RIMS2: variants seen among roughly 807,000 people sequenced by gnomAD.
RIMS2 encodes regulating synaptic membrane exocytosis 2, also known as regulating synaptic membrane exocytosis protein 2.
Under a neutral mutation model 174.4 loss-of-function variants are expected in RIMS2, and 59 were observed. That is an observed-to-expected ratio of 0.34 (90% CI 0.27 to 0.42). The LOEUF (loss-of-function observed/expected upper bound fraction) is 0.42, where lower values mean the gene tolerates loss of function less well. Ranked by LOEUF, RIMS2 falls within the 10% of genes least tolerant of loss-of-function variation. RIMS2 has a pLI of 1.00. For synonymous variants in RIMS2, 606 were observed against 572.5 expected (o/e 1.06, Z -0.84); for missense variants, 1,620 against 1,666.3 (o/e 0.97, Z 0.48).
chr8:103,938,312 A>G (rs1368085172), intron 13 of RIMS2, among the ~76,000 whole-genome samples: 1 of 152,174 alleles, frequency 6.6e-6, no homozygotes, highest in African/African-American at 2.4e-5. Flanking sequence ...GCAGAAGGCA[A>G]GGAGGAGCAA....
rs144951027 is a variant in RIMS2 at position 103,555,691 on chromosome 8, G to T, written c.176+54629G>T. ...TAATGCTGGTAATCCCAACACTTTG[G>T]GAGGCCAAGGTGGGAGGATCACTTG... On this transcript the variant is annotated intron_variant, in intron 1 of 23. Coordinates refer to ENST00000504942, the Ensembl canonical transcript of RIMS2. Among the ~76,000 whole-genome samples, 13 of 151,970 alleles carry T rather than the reference G, an allele frequency of 8.6e-5. No individual in the cohort carries two copies. In the East Asian group the frequency reaches 2.5e-3, roughly 29 times the overall value.
intron 19 of RIMS2, among the ~76,000 whole-genome samples, chr8:104,058,836 C>G (rs1222743741): frequency 6.6e-6 from 1 of 152,156 alleles, no homozygotes; most frequent in Admixed American, 6.5e-5. Flanking sequence ...ATCCTTTCCC[C>G]ATTGCTTGTT....
At chr8:104,077,682 CTCA>C (rs1479363940) in intron 19 of RIMS2, among the ~76,000 whole-genome samples, 10 of 139,404 alleles carry the variant, frequency 7.2e-5, no homozygotes, top group Non-Finnish European at 1.6e-5. Flanking sequence ...AAGCTCTGAA[CTCA>C]GGGTTCAGAG....
At chr8:103,809,432 AG>A (rs1390783539) in intron 3 of RIMS2, among the ~76,000 whole-genome samples, 3 of 152,216 alleles carry the variant, frequency 2.0e-5, no homozygotes, top group African/African-American at 7.2e-5. Context: ...AACCCCTGTA[AG>A]GGCTGGATGG....
chr8:103,624,710 A>C (rs1278367839), intron 1 of RIMS2, among the ~76,000 whole-genome samples: 2 of 152,206 alleles, frequency 1.3e-5, no homozygotes, highest in African/African-American at 4.8e-5. Context: ...ACTGTATATC[A>C]GGCACTATTC....
intron 19 of RIMS2, among the ~76,000 whole-genome samples, chr8:104,210,653 C>T (rs1227023804): frequency 6.6e-6 from 1 of 152,136 alleles, no homozygotes; most frequent in Non-Finnish European, 1.5e-5. Flanking sequence ...AAGGCACATC[C>T]GTGTTTGCCC....
intron 1 of RIMS2, among the ~76,000 whole-genome samples, chr8:103,558,532 T>C (rs1012013303): frequency 1.3e-5 from 2 of 152,218 alleles, no homozygotes; most frequent in Non-Finnish European, 2.9e-5. Context: ...CCCAAATCTT[T>C]TATCTTTGGC....
In RIMS2 at chr8:104,046,160, C is replaced by T. The variant is rs187036879; in HGVS notation, c.3334+31545C>T. On this transcript the variant is annotated intron_variant, in intron 19 of 23. Transcript: ENST00000504942. ...GGGGACTGGAAAGTCTAAGTAAGATCAAGGCACCAACAAATTTAGTGTCTG... is the reference window on the plus strand; with the variant it reads ...GGGGACTGGAAAGTCTAAGTAAGATTAAGGCACCAACAAATTTAGTGTCTG... Among the ~76,000 whole-genome samples, 5 of 152,120 alleles carry T rather than the reference C, an allele frequency of 3.3e-5. No homozygotes were observed. In the East Asian group the frequency reaches 9.7e-4, roughly 29 times the overall value.
chr8:103,653,805 G>T (rs2096489043), intron 1 of RIMS2, among the ~76,000 whole-genome samples: 1 of 152,036 alleles, frequency 6.6e-6, no homozygotes, highest in Non-Finnish European at 1.5e-5. Context: ...TAGTTAATAT[G>T]TAGTTCTCAA....
At chr8:103,626,012 C>A (rs1029415217) in intron 1 of RIMS2, among the ~76,000 whole-genome samples, 2 of 151,946 alleles carry the variant, frequency 1.3e-5, no homozygotes, top group African/African-American at 4.8e-5. Context: ...ATCTTTATGA[C>A]TTCAAGACCT....
intron 1 of RIMS2, among the ~76,000 whole-genome samples, chr8:103,595,617 C>T (rs907737566): frequency 6.6e-6 from 1 of 151,838 alleles, no homozygotes; most frequent in Admixed American, 6.6e-5. Flanking sequence ...TGGATTTGTG[C>T]TTAGACATGG....
intron 1 of RIMS2, among the ~76,000 whole-genome samples, chr8:103,592,598 A>T (rs2094313870): frequency 6.6e-6 from 1 of 151,402 alleles, no homozygotes; most frequent in Admixed American, 6.6e-5. Flanking sequence ...GACCACTGGC[A>T]GTCTCCAAGA....
At chr8:104,032,623 A>G (rs2096420898) in intron 19 of RIMS2, among the ~76,000 whole-genome samples, 1 of 152,072 alleles carries the variant, frequency 6.6e-6, no homozygotes, top group African/African-American at 2.4e-5. Context: ...ACTTTTAATT[A>G]GTAATTGGAT....
At chr8:103,800,434 T>G (rs545239148) in intron 3 of RIMS2, among the ~76,000 whole-genome samples, 1 of 152,322 alleles carries the variant, frequency 6.6e-6, no homozygotes, top group South Asian at 2.1e-4. Flanking sequence ...GCTTTGAGTC[T>G]TTCACAATCA....
chr8:104,215,305 G>A (rs1297891601), intron 19 of RIMS2, among the ~76,000 whole-genome samples: 2 of 151,986 alleles, frequency 1.3e-5, no homozygotes, highest in Admixed American at 6.6e-5. Flanking sequence ...AGCTTGGCTA[G>A]TAATGAAAAA....
At chr8:103,597,858 A>T (rs1480199882) in intron 1 of RIMS2, among the ~76,000 whole-genome samples, 1 of 152,030 alleles carries the variant, frequency 6.6e-6, no homozygotes, top group Non-Finnish European at 1.5e-5. Context: ...TTTGGTGTGA[A>T]TAAAACTATT....
chr8:103,552,052 A>G (rs1848194742), intron 1 of RIMS2, among the ~76,000 whole-genome samples: 1 of 152,228 alleles, frequency 6.6e-6, no homozygotes, highest in Non-Finnish European at 1.5e-5. Context: ...ATTCAGTGGT[A>G]TCCCCATCAA....
At chr8:103,970,280 G>A (rs1198051385) in intron 15 of RIMS2, among the ~76,000 whole-genome samples, 7 of 152,094 alleles carry the variant, frequency 4.6e-5, no homozygotes, top group Non-Finnish European at 1.0e-4. Context: ...GGTTAGAGTG[G>A]GCTGGAAATG....
intron 19 of RIMS2, among the ~76,000 whole-genome samples, chr8:104,227,320 T>C (rs1563872870): frequency 6.6e-6 from 1 of 150,698 alleles, no homozygotes; most frequent in Non-Finnish European, 1.5e-5. Context: ...GTACCTTACA[T>C]GTTATTTAAC....
Sources: gnomAD v4.1 joint callset for allele counts (sites outside exome capture counted in the v4.1 genomes callset) on GRCh38, gnomAD v4.1.1 for gene constraint, MANE v1.5 for transcripts, NCBI Gene and HGNC (gene_info 2026-07-23, HGNC 2026-07-21) for gene names.